Variants in NRCAM observed in about 807,000 individuals in gnomAD.
NRCAM encodes neuronal cell adhesion molecule.
NRCAM carries 83 observed loss-of-function variants against 156.5 expected under a neutral mutation model. The observed-to-expected ratio is 0.53, with a 90% CI of 0.44 to 0.64. NRCAM has a LOEUF of 0.64. NRCAM is among the 30% of genes least tolerant of loss of function. NRCAM has a pLI of 0.00. For missense variants in NRCAM, 1,417 were observed against 1,597.3 expected, an observed-to-expected ratio of 0.89 and a Z score of 1.92; for synonymous variants, 538 against 563.9, an observed-to-expected ratio of 0.95 and a Z score of 0.65.
At chr7:108,347,733 G>A (rs1166519341) in intron 2 of NRCAM, among the ~76,000 whole-genome samples, 1 of 152,192 alleles carries the variant, frequency 6.6e-6, no homozygotes, top group African/African-American at 2.4e-5. Context: ...TTTTGCCTAT[G>A]AGGGCCTTGC....
At chr7:108,380,972 A>T (rs2099698325) in intron 2 of NRCAM, among the ~76,000 whole-genome samples, 1 of 152,198 alleles carries the variant, frequency 6.6e-6, no homozygotes, top group African/African-American at 2.4e-5. Flanking sequence ...CAGGAGGCAA[A>T]GGCAGAAGGA....
At chr7:108,219,216 A>T (rs1335743756) in intron 11 of NRCAM, among the ~76,000 whole-genome samples, 2 of 151,210 alleles carry the variant, frequency 1.3e-5, no homozygotes, top group African/African-American at 4.9e-5. Context: ...AATAGTAATT[A>T]AAAAATTACC....
intron 2 of NRCAM, among the ~76,000 whole-genome samples, chr7:108,315,498 A>G (rs1185713422): frequency 6.6e-6 from 1 of 152,180 alleles, no homozygotes; most frequent in African/African-American, 2.4e-5. Flanking sequence ...AACAAAATAC[A>G]TTCCAAAAAA....
intron 1 of NRCAM, among the ~76,000 whole-genome samples, chr7:108,433,816 T>C (rs902762206): frequency 6.6e-6 from 1 of 152,212 alleles, no homozygotes; most frequent in Non-Finnish European, 1.5e-5. Flanking sequence ...AATAAATCTC[T>C]TTACTTTATA....
intron 1 of NRCAM, among the ~76,000 whole-genome samples, chr7:108,431,704 G>C (rs568954548): frequency 6.6e-6 from 1 of 152,310 alleles, no homozygotes; most frequent in East Asian, 1.9e-4. Flanking sequence ...AAAATCACTT[G>C]AGCCTGGGAG....
chr7:108,406,166 A>G (rs951242346), intron 1 of NRCAM, among the ~76,000 whole-genome samples: 3 of 152,108 alleles, frequency 2.0e-5, no homozygotes, highest in Non-Finnish European at 4.4e-5. Context: ...GAGACAGAAA[A>G]TACTTCTGGC....
chr7:108,227,427 C>A (rs1424650366), intron 8 of NRCAM, among the ~76,000 whole-genome samples: 1 of 152,166 alleles, frequency 6.6e-6, no homozygotes, highest in Non-Finnish European at 1.5e-5. Context: ...AATTAGCATA[C>A]CCATCACCTT....
intron 2 of NRCAM, among the ~76,000 whole-genome samples, chr7:108,385,920 AGGG>A (rs1463611345): frequency 7.6e-6 from 1 of 131,814 alleles, no homozygotes; most frequent in Non-Finnish European, 1.6e-5. Context: ...GGAGGGAGGG[AGGG>A]AGGGAGAGAG....
chr7:108,164,993 C>T (rs879679044), intron 30 of NRCAM, among the ~76,000 whole-genome samples: 2 of 152,168 alleles, frequency 1.3e-5, no homozygotes, highest in Non-Finnish European at 2.9e-5. Context: ...AATGCTACAA[C>T]TTGATTTTGA....
chr7:108,190,782 T>C (rs538925607), intron 19 of NRCAM, among the ~76,000 whole-genome samples: 1 of 152,330 alleles, frequency 6.6e-6, no homozygotes, highest in Non-Finnish European at 1.5e-5. Context: ...GATATAAAAG[T>C]TAAATGTTGT....
intron 1 of NRCAM, among the ~76,000 whole-genome samples, chr7:108,425,371 T>C (rs535219831): frequency 3.7e-4 from 56 of 152,336 alleles, no homozygotes; most frequent in Non-Finnish European, 2.9e-5. Flanking sequence ...TGCACAATAC[T>C]AAATCCCAAA....
intron 32 of NRCAM, among the ~76,000 whole-genome samples, chr7:108,155,101 T>TACAC (rs58111040): frequency 0.029 from 3,575 of 122,950 alleles, 88 homozygotes; most frequent in Middle Eastern, 0.057. Context: ...TATATATATA[T>TACAC]ACACACACAC....
intron 2 of NRCAM, among the ~76,000 whole-genome samples, chr7:108,347,799 C>G (rs1380446534): frequency 6.6e-6 from 1 of 152,122 alleles, no homozygotes; most frequent in Non-Finnish European, 1.5e-5. Flanking sequence ...GCTGGCTACA[C>G]AAAGCGCTCT....
chr7:108,232,117 G>A (rs572887984), intron 7 of NRCAM, among the ~76,000 whole-genome samples: 7 of 151,992 alleles, frequency 4.6e-5, no homozygotes, highest in Non-Finnish European at 8.8e-5. Flanking sequence ...CAGGACTTCT[G>A]TAAAAGATAT....
intron 11 of NRCAM, among the ~76,000 whole-genome samples, chr7:108,212,267 C>T: frequency 6.6e-6 from 1 of 152,160 alleles, no homozygotes; most frequent in East Asian, 1.9e-4. Context: ...CTAGACCTTC[C>T]CTCTGACAGA....
At chr7:108,242,255 T>A (rs1330614301) in intron 3 of NRCAM, among the ~76,000 whole-genome samples, 1 of 60,302 alleles carries the variant, frequency 1.7e-5, no homozygotes, top group Non-Finnish European at 3.0e-5. Flanking sequence ...CAAGACCCCG[T>A]CTCAAAAAAA....
At chr7:108,322,073 GTAAA>G (rs2099008782) in intron 2 of NRCAM, among the ~76,000 whole-genome samples, 1 of 152,142 alleles carries the variant, frequency 6.6e-6, no homozygotes, top group Admixed American at 6.5e-5. Flanking sequence ...GCTGTTGGCA[GTAAA>G]TAAATCTCAT....
At chr7:108,236,683 T>A (rs2095049772) in intron 5 of NRCAM, among the ~76,000 whole-genome samples, 1 of 152,190 alleles carries the variant, frequency 6.6e-6, no homozygotes, top group East Asian at 1.9e-4. Context: ...TTCAATAACA[T>A]CAGCTATTTT....
intron 26 of NRCAM, among the ~76,000 whole-genome samples, chr7:108,177,661 G>GTATATACGTGTATA (rs1187434417): frequency 3.7e-4 from 5 of 13,528 alleles, no homozygotes; most frequent in African/African-American, 6.5e-4. Context: ...ATATATATAT[G>GTATATACGTGTATA]TATATACGTG....
Sources: allele counts gnomAD v4.1 joint callset (sites outside exome capture counted in the v4.1 genomes callset), GRCh38; gene constraint gnomAD v4.1.1; transcripts MANE v1.5; gene names NCBI Gene and HGNC (gene_info 2026-07-23, HGNC 2026-07-21).